KIAA1549L: variants seen among roughly 807,000 people sequenced by gnomAD.
KIAA1549L encodes KIAA1549 like, also known as UPF0606 protein KIAA1549L.
KIAA1549L carries 88 observed loss-of-function variants against 160.7 expected under a neutral mutation model. The observed-to-expected ratio is 0.55, with a 90% CI of 0.46 to 0.65. KIAA1549L has a LOEUF of 0.65. KIAA1549L is among the 30% of genes least tolerant of loss of function. The pLI is 0.00. For missense variants in KIAA1549L, 2,258 were observed against 2,437.5 expected (o/e 0.93, Z 1.55); for synonymous variants, 950 against 976.7 (o/e 0.97, Z 0.51).
intron 1 of KIAA1549L, among the ~76,000 whole-genome samples, chr11:33,540,085 G>T (rs145086486): frequency 4.6e-5 from 7 of 152,252 alleles, no homozygotes; most frequent in Non-Finnish European, 8.8e-5. Context: ...TCTCTTGGCC[G>T]TGGTCATTCA....
chr11:33,667,794 T>A (rs1852522693), intron 20 of KIAA1549L, 79 bp from the exon 21 acceptor site: 1 of 1,282,586 alleles, frequency 7.8e-7, no homozygotes, highest in African/African-American at 1.5e-5. Flanking sequence ...CCCTCCTGCT[T>A]CCAGTGTCAA....
At position 33,671,686 on chromosome 11, in the gene KIAA1549L, C is replaced by T. The variant is rs986170200; in HGVS notation, c.*3532C>T. 1 of 151,810 alleles carries T rather than the reference C, an allele frequency of 6.6e-6. No homozygotes were observed. The highest frequency in any genetic ancestry group is 1.5e-5 in the Non-Finnish European group (1 of 68,014). The allele number at this position is 151,810 out of a possible 1,614,324, so 9.4% of individuals were successfully genotyped here. ...TAACTAATAGAGATGCTTTTTCTAA[C>T]AGGCAGAAATTAGAGAAATGGATCA... On this transcript the variant is annotated 3_prime_UTR_variant, in exon 21 of 21. Transcript: ENST00000658780.
At chr11:33,466,632 G>T (rs753984406) in intron 1 of KIAA1549L, among the ~76,000 whole-genome samples, 6 of 152,088 alleles carry the variant, frequency 3.9e-5, no homozygotes, top group Non-Finnish European at 7.4e-5. Context: ...ATACCCAAAG[G>T]TTTATAAATC....
intron 1 of KIAA1549L, among the ~76,000 whole-genome samples, chr11:33,459,046 A>C (rs1340588726): frequency 6.6e-6 from 1 of 152,188 alleles, no homozygotes; most frequent in East Asian, 1.9e-4. Context: ...TAAATCTCCC[A>C]GTTTTGATTG....
intron 1 of KIAA1549L, among the ~76,000 whole-genome samples, chr11:33,510,726 G>A (rs1853209663): frequency 6.6e-6 from 1 of 152,226 alleles, no homozygotes; most frequent in South Asian, 2.1e-4. Context: ...GTGTGAGGCT[G>A]TGACCTCCTG....
chr11:33,400,495 G>A (rs1370595197), intron 1 of KIAA1549L, among the ~76,000 whole-genome samples: 1 of 152,192 alleles, frequency 6.6e-6, no homozygotes, highest in East Asian at 1.9e-4. Flanking sequence ...TCATGGTCTA[G>A]GATAATGCTA....
intron 9 of KIAA1549L, among the ~76,000 whole-genome samples, chr11:33,568,614 C>G (rs1855138000): frequency 6.6e-6 from 1 of 152,208 alleles, no homozygotes; most frequent in African/African-American, 2.4e-5. Context: ...ACCTCCATTC[C>G]TCTGAATAGC....
At chr11:33,468,808 A>G (rs1263964206) in intron 1 of KIAA1549L, among the ~76,000 whole-genome samples, 3 of 152,152 alleles carry the variant, frequency 2.0e-5, no homozygotes, top group Non-Finnish European at 4.4e-5. Context: ...TTGTGAGTAT[A>G]CTTTATTGCT....
intron 1 of KIAA1549L, among the ~76,000 whole-genome samples, chr11:33,431,868 T>C (rs1348518747): frequency 6.6e-6 from 1 of 152,232 alleles, no homozygotes; most frequent in East Asian, 1.9e-4. Flanking sequence ...CATGGTGGGC[T>C]GCAGTCCCAA....
At chr11:33,395,385 C>T (rs140361988) in intron 1 of KIAA1549L, among the ~76,000 whole-genome samples, 1 of 152,284 alleles carries the variant, frequency 6.6e-6, no homozygotes, top group Non-Finnish European at 1.5e-5. Context: ...ATTTGAACAG[C>T]CATAAGGTAA....
At chr11:33,637,470 CCCTG>C (rs1205127997) in intron 16 of KIAA1549L, among the ~76,000 whole-genome samples, 2 of 152,348 alleles carry the variant, frequency 1.3e-5, no homozygotes, top group Admixed American at 6.5e-5. Context: ...ATGATCTGGA[CCCTG>C]CCTTCCTCTC....
chr11:33,444,541 GACTT>G (rs1374337636), intron 1 of KIAA1549L, among the ~76,000 whole-genome samples: 1 of 152,308 alleles, frequency 6.6e-6, no homozygotes, highest in East Asian at 1.9e-4. Flanking sequence ...TGGGAGGAGA[GACTT>G]ACTTTTCATT....
At position 33,470,441 on chromosome 11, in the gene KIAA1549L, T is replaced by G. The variant is rs116346266; in HGVS notation, c.239-71361T>G. ...TGTAGCTTTATAGTAAGTGTTTGTT[T>G]GTTTGGTTTTGGCTTTTTTTTTCAG... On this transcript the variant is annotated intron_variant, in intron 1 of 20. Coordinates refer to ENST00000658780, the MANE Select transcript of KIAA1549L (RefSeq NM_012194.3). Among the ~76,000 whole-genome samples, 1,088 of 152,234 alleles carry G rather than the reference T, an allele frequency of 7.1e-3. 15 individuals carry two copies. Among genetic ancestry groups the G allele is most frequent in the African/African-American group, 0.025 (1,049 of 41,532 alleles).
At chr11:33,623,959 C>G (rs555975643) in intron 16 of KIAA1549L, among the ~76,000 whole-genome samples, 31 of 152,280 alleles carry the variant, frequency 2.0e-4, no homozygotes, top group African/African-American at 7.5e-4. Context: ...CTGCCCATGC[C>G]CATTTTTTCC....
chr11:33,532,899 C>G (rs1271702166), intron 1 of KIAA1549L, among the ~76,000 whole-genome samples: 2 of 152,120 alleles, frequency 1.3e-5, no homozygotes, highest in Non-Finnish European at 2.9e-5. Context: ...CTCAGTGTTT[C>G]CAGCAGTCAA....
At chr11:33,522,762 G>C (rs2133129202) in intron 1 of KIAA1549L, among the ~76,000 whole-genome samples, 1 of 152,212 alleles carries the variant, frequency 6.6e-6, no homozygotes, top group Admixed American at 6.5e-5. Flanking sequence ...AGTTGGGCCT[G>C]GTGGCGTATG....
intron 1 of KIAA1549L, among the ~76,000 whole-genome samples, chr11:33,412,868 A>G (rs1850811292): frequency 6.6e-6 from 1 of 152,236 alleles, no homozygotes; most frequent in Non-Finnish European, 1.5e-5. Context: ...AAACAAGGAA[A>G]CTGAGATATA....
At chr11:33,586,888 T>C (rs533579159) in intron 11 of KIAA1549L, among the ~76,000 whole-genome samples, 62 of 152,306 alleles carry the variant, frequency 4.1e-4, no homozygotes, top group Non-Finnish European at 7.9e-4. Context: ...AGAAAAGTTA[T>C]GTACTGTGTT....
chr11:33,668,309 G>C lies in KIAA1549L; in HGVS notation c.*155G>C, dbSNP rs1258594293. Reference sequence around the variant, plus strand: ...TGAACTATGGGGCTTCTGGGAACAGGAAACTCTTGAACGACTAGATTCTTG... The same window carrying C: ...TGAACTATGGGGCTTCTGGGAACAGCAAACTCTTGAACGACTAGATTCTTG... On this transcript the variant is annotated 3_prime_UTR_variant, in exon 21 of 21. Coordinates refer to ENST00000658780, the MANE Select transcript of KIAA1549L (RefSeq NM_012194.3). The C allele has an allele frequency of 2.8e-6, 2 of 707,586 alleles. No homozygotes were observed. Among genetic ancestry groups the C allele is most frequent in the Admixed American group, 2.9e-5 (1 of 34,572 alleles). The allele number at this position is 707,586 out of a possible 1,614,324, so 43.8% of individuals were successfully genotyped here.
Sources: allele counts gnomAD v4.1 joint callset (sites outside exome capture counted in the v4.1 genomes callset), GRCh38; gene constraint gnomAD v4.1.1; transcripts MANE v1.5; gene names NCBI Gene and HGNC (gene_info 2026-07-23, HGNC 2026-07-21).